The following CDH11 variants were observed in gnomAD, a reference collection of about 807,000 sequenced individuals.
The protein encoded by CDH11 is cadherin 11.
CDH11 carries 11 observed loss-of-function variants against 67.8 expected under a neutral mutation model. The observed-to-expected ratio is 0.16, with a 90% CI of 0.10 to 0.27. The LOEUF is 0.27. CDH11 is among the 10% of genes least tolerant of loss of function. The probability of loss-of-function intolerance (pLI) is 1.00; values close to 1 mark genes in which losing one functional copy is unlikely to be tolerated. For missense variants in CDH11, 847 were observed against 1,031.2 expected, an observed-to-expected ratio of 0.82 and a Z score of 2.45; for synonymous variants, 419 against 400.0, an observed-to-expected ratio of 1.05 and a Z score of -0.57.
intron 1 of CDH11, among the ~76,000 whole-genome samples, chr16:65,077,415 CAT>C (rs769809250): frequency 2.6e-5 from 4 of 152,194 alleles, no homozygotes; most frequent in Non-Finnish European, 4.4e-5. Flanking sequence ...TTGTGAGACA[CAT>C]GTGCAGAAGA....
rs759737776 is a variant in CDH11, at chr16:64,951,005, G to T, written c.1656C>A (p.Gly552=). ...TVRDNRDNTA[G]VYARRGGFSR... ...TGAACCCTCCACGCCGGGCGTACAC[G>T]CCTGCTGTGTTATCTGCAGAAAGAG... Residue 552 remains glycine (G), a synonymous_variant, in exon 12 of 13, where the codon GGC becomes GGA. Coordinates refer to ENST00000268603, the MANE Select transcript of CDH11 (RefSeq NM_001797.4). 2.5e-6 allele frequency: 4 copies of T among 1,613,218 alleles called. No homozygotes were observed. Among genetic ancestry groups the T allele is most frequent in the South Asian group, 1.1e-5 (1 of 91,076 alleles).
intron 1 of CDH11, among the ~76,000 whole-genome samples, chr16:65,097,780 T>C (rs761145641): frequency 6.6e-6 from 1 of 152,180 alleles, no homozygotes; most frequent in Non-Finnish European, 1.5e-5. Context: ...TGGGATCCTT[T>C]CACATTCTCT....
intron 2 of CDH11, among the ~76,000 whole-genome samples, chr16:65,017,553 T>A (rs758839194): frequency 2.6e-5 from 4 of 152,192 alleles, no homozygotes; most frequent in Non-Finnish European, 5.9e-5. Context: ...AAGTGTACCC[T>A]GTATTCCTAC....
At chr16:65,105,957 T>C (rs2075059859) in intron 1 of CDH11, among the ~76,000 whole-genome samples, 1 of 152,226 alleles carries the variant, frequency 6.6e-6, no homozygotes, top group Non-Finnish European at 1.5e-5. Flanking sequence ...ATGCTTTGTT[T>C]TCACAACTGT....
intron 1 of CDH11, among the ~76,000 whole-genome samples, chr16:65,079,450 G>A (rs529463081): frequency 6.6e-6 from 1 of 151,996 alleles, no homozygotes; most frequent in African/African-American, 2.4e-5. Flanking sequence ...TTTGATTCTT[G>A]TGACAAAATT....
chr16:65,066,287 C>A (rs2074311990), intron 1 of CDH11, among the ~76,000 whole-genome samples: 1 of 152,210 alleles, frequency 6.6e-6, no homozygotes, highest in African/African-American at 2.4e-5. Flanking sequence ...ACCTTCCCAA[C>A]TACACACACG....
intron 2 of CDH11, among the ~76,000 whole-genome samples, chr16:65,019,789 C>G (rs2073384807): frequency 2.6e-5 from 4 of 151,924 alleles, no homozygotes. Context: ...TGCTCACACA[C>G]AGAATTATTT....
chr16:64,993,981 T>C (rs573193649), intron 4 of CDH11, among the ~76,000 whole-genome samples: 1 of 152,318 alleles, frequency 6.6e-6, no homozygotes, highest in South Asian at 2.1e-4. Flanking sequence ...TGTAATCTAT[T>C]TCACAAAGTT....
chr16:64,997,722 G>T (rs953035340), intron 4 of CDH11, among the ~76,000 whole-genome samples: 2 of 152,150 alleles, frequency 1.3e-5, no homozygotes, highest in Admixed American at 6.5e-5. Context: ...GGCATAAAAA[G>T]CTCTGTATGC....
At chr16:65,071,596 A>G (rs993575716) in intron 1 of CDH11, among the ~76,000 whole-genome samples, 1 of 152,148 alleles carries the variant, frequency 6.6e-6, no homozygotes, top group Non-Finnish European at 1.5e-5. Flanking sequence ...CAGAAGATGG[A>G]AATAGTGCCC....
At chr16:64,995,672 G>A (rs1042373898) in intron 4 of CDH11, among the ~76,000 whole-genome samples, 1 of 152,122 alleles carries the variant, frequency 6.6e-6, no homozygotes, top group African/African-American at 2.4e-5. Context: ...CACCATTCTG[G>A]ACATTGGCCT....
intron 1 of CDH11, among the ~76,000 whole-genome samples, chr16:65,106,929 TC>T (rs2075075419): frequency 6.6e-6 from 1 of 151,866 alleles, no homozygotes; most frequent in African/African-American, 2.4e-5. Context: ...AATCCATCAA[TC>T]TTGTATGCCT....
intron 8 of CDH11, chr16:64,981,840 T>G: frequency 6.9e-6 from 3 of 437,532 alleles, no homozygotes; most frequent in Non-Finnish European, 1.2e-5. Flanking sequence ...AGCAAAGTCA[T>G]GTAGCTTGAA....
chr16:65,011,187 A>G lies in CDH11; in HGVS notation c.-172-6146T>C, dbSNP rs192052666. On this transcript the variant is annotated intron_variant, in intron 2 of 12. Transcript: ENST00000268603. ...AAGTGAGGCTTAGTGTCCTTATGTA[A>G]CCCACCCAAGTACACCCTGAATCAT... Among the ~76,000 whole-genome samples the G allele has an allele frequency of 2.0e-5, 3 of 151,278 alleles. No homozygotes were observed. In the East Asian group the frequency reaches 5.8e-4, roughly 29 times the overall value.
intron 1 of CDH11, among the ~76,000 whole-genome samples, chr16:65,082,631 A>G (rs952766713): frequency 6.6e-6 from 1 of 152,176 alleles, no homozygotes; most frequent in African/African-American, 2.4e-5. Flanking sequence ...TCCTAGTATC[A>G]TCTTCTTCTA....
chr16:65,113,385 G>A (rs1015529168), intron 1 of CDH11, among the ~76,000 whole-genome samples: 5 of 151,956 alleles, frequency 3.3e-5, no homozygotes, highest in African/African-American at 7.3e-5. Context: ...CTAAATTACC[G>A]TGGGATCTTG....
rs895657704 is a variant in CDH11, at chr16:65,121,932, G to C, written c.-350C>G. The C allele has an allele frequency of 1.4e-6, 1 of 701,912 alleles. No individual in the cohort carries two copies. Among genetic ancestry groups the C allele is most frequent in the East Asian group, 2.7e-5 (1 of 37,192 alleles). 43.5% of individuals were successfully genotyped at this position (701,912 alleles called of 1,614,324 possible). A position where few individuals can be genotyped will look rare whatever the true frequency, so the allele number is the denominator to read the frequency against. On this transcript the variant is annotated 5_prime_UTR_variant, in exon 1 of 13. Transcript: ENST00000268603. This position sits in a 1 kb window ranked among gnomAD's most constrained non-coding sequence, Gnocchi z 4.1. ...TCCGAGCCGCCAGTCCCTGGCGCAG[G>C]GCAAGCGCTGCGGTGTCAGTCCCGG...
intron 2 of CDH11, among the ~76,000 whole-genome samples, chr16:65,006,545 A>G (rs1283102349): frequency 1.3e-5 from 2 of 152,222 alleles, no homozygotes; most frequent in African/African-American, 4.8e-5. Flanking sequence ...CATGTGAATA[A>G]TGAGGATGAC....
chr16:64,962,985 T>G (rs534057395), intron 11 of CDH11, among the ~76,000 whole-genome samples: 1 of 152,168 alleles, frequency 6.6e-6, no homozygotes, highest in Non-Finnish European at 1.5e-5. Context: ...CTATCCACAT[T>G]GTTAAAGGCT....
Sources: gnomAD v4.1 joint callset for allele counts (sites outside exome capture counted in the v4.1 genomes callset) on GRCh38, gnomAD v4.1.1 for gene constraint, Gnocchi (gnomAD v3.1) non-coding constraint, MANE v1.5 for transcripts, NCBI Gene and HGNC (gene_info 2026-07-23, HGNC 2026-07-21) for gene names.